The following CLUAP1 variants were observed in gnomAD, a reference collection of about 807,000 sequenced individuals.
CLUAP1 encodes the protein clusterin-associated protein 1.
A neutral mutation model predicts 55.0 loss-of-function variants in CLUAP1; 50 were observed. The ratio of observed to expected loss-of-function variants is 0.91; its 90% CI spans 0.72 to 1.15. The LOEUF (loss-of-function observed/expected upper bound fraction) is 1.15, where lower values mean the gene tolerates loss of function less well. CLUAP1 is among the 50% of genes most tolerant of loss of function. The pLI is 0.00. For synonymous variants in CLUAP1, 195 were observed against 175.4 expected, an observed-to-expected ratio of 1.11 and a Z score of -0.88; for missense variants, 530 against 507.6, an observed-to-expected ratio of 1.04 and a Z score of -0.42.
intron 4 of CLUAP1, among the ~76,000 whole-genome samples, chr16:3,512,000 A>G (rs1387757066): frequency 2.0e-5 from 3 of 152,132 alleles, no homozygotes; most frequent in African/African-American, 7.2e-5. Flanking sequence ...CAGCCTGACC[A>G]ACATGTAGAA....
intron 7 of CLUAP1, among the ~76,000 whole-genome samples, chr16:3,520,850 C>G (rs1055492332): frequency 2.6e-5 from 4 of 152,050 alleles, no homozygotes; most frequent in Non-Finnish European, 5.9e-5. Flanking sequence ...GGTGCCGGCT[C>G]TCTCTCTCTT....
At chr16:3,523,419 G>A in intron 8 of CLUAP1, 120 bp downstream of exon 8, 1 of 1,196,544 alleles carries the variant, frequency 8.4e-7, no homozygotes, top group Non-Finnish European at 1.2e-6. Context: ...TTTCTCCCTG[G>A]TCAGTCTGAG....
chr16:3,506,755 G>A (rs916417383), intron 3 of CLUAP1, among the ~76,000 whole-genome samples: 9 of 151,966 alleles, frequency 5.9e-5, no homozygotes, highest in African/African-American at 2.2e-4. Context: ...CACCCTCCTT[G>A]GCCTCCCAAA....
chr16:3,506,947 A>G (rs2037518065), intron 3 of CLUAP1, among the ~76,000 whole-genome samples: 1 of 152,162 alleles, frequency 6.6e-6, no homozygotes, highest in Non-Finnish European at 1.5e-5. Context: ...CTGTAATCCC[A>G]GCACTTTGGA....
chr16:3,517,071 G>A (rs2151054109), intron 6 of CLUAP1, among the ~76,000 whole-genome samples: 1 of 151,878 alleles, frequency 6.6e-6, no homozygotes, highest in East Asian at 1.9e-4. Flanking sequence ...GGAGGCTGAG[G>A]AGGAGCAGGT....
chr16:3,500,864 C>G, upstream of CLUAP1: 2 of 594,146 alleles, frequency 3.4e-6, no homozygotes, highest in Non-Finnish European at 5.9e-6. Context: ...GCCCTCTGCC[C>G]TCGGCGTCTC....
chr16:3,508,503 A>T, intron 4 of CLUAP1, 35 bp downstream of exon 4: 1 of 1,502,302 alleles, frequency 6.7e-7, no homozygotes, highest in Non-Finnish European at 8.8e-7. Context: ...TGGGCGATGG[A>T]GCGTTGATTT....
At chr16:3,526,217 A>G (rs1343088935) in intron 8 of CLUAP1, among the ~76,000 whole-genome samples, 195 bp from the exon 9 acceptor site, 8 of 152,202 alleles carry the variant, frequency 5.3e-5, no homozygotes, top group Non-Finnish European at 1.0e-4. Flanking sequence ...CCACGAGGCA[A>G]CCGCAGAGAG....
intron 6 of CLUAP1, among the ~76,000 whole-genome samples, chr16:3,519,120 C>T (rs1049394590): frequency 4.6e-5 from 7 of 152,216 alleles, no homozygotes; most frequent in African/African-American, 9.6e-5. Context: ...CATGTGAAGA[C>T]GGCGCACTAC....
intron 6 of CLUAP1, among the ~76,000 whole-genome samples, chr16:3,519,061 T>A (rs769711042): frequency 9.7e-4 from 147 of 152,290 alleles, no homozygotes; most frequent in Non-Finnish European, 1.9e-3. Context: ...ATAAAGAGAT[T>A]GGAGCCTGAA....
chr16:3,500,344 G>C (rs1241750294), upstream of CLUAP1, among the ~76,000 whole-genome samples: 1 of 152,086 alleles, frequency 6.6e-6, no homozygotes, highest in African/African-American at 2.4e-5. Context: ...ACGGGGGAAG[G>C]CGGGCTTCCT....
Position 3,517,367 on chromosome 16 carries a change from C to T in CLUAP1, c.579+1776C>T, listed in dbSNP as rs530561228. On this transcript the variant is annotated intron_variant, in intron 6 of 11. Coordinates refer to ENST00000576634, the MANE Select transcript of CLUAP1 (RefSeq NM_015041.3). Reference sequence around the variant, plus strand: ...TGTCACCCAGGCTGAAGTGCAGTAGCGCCATCTCAGCTCACTGCAATCTCT... The same window carrying T: ...TGTCACCCAGGCTGAAGTGCAGTAGTGCCATCTCAGCTCACTGCAATCTCT... Among the ~76,000 whole-genome samples the T allele has an allele frequency of 9.2e-5, 14 of 152,184 alleles. No homozygotes were observed. In the South Asian group the frequency reaches 1.7e-3, roughly 18 times the overall value.
At chr16:3,498,820 A>C (rs1304330404), upstream of CLUAP1, among the ~76,000 whole-genome samples, 8 of 152,136 alleles carry the variant, frequency 5.3e-5, no homozygotes, top group African/African-American at 1.9e-4. Context: ...AGATCGCACC[A>C]CTGGCACTCC....
chr16:3,496,873 C>T (rs1332167169), upstream of CLUAP1: 145 of 245,460 alleles, frequency 5.9e-4, no homozygotes, highest in Admixed American at 2.9e-3. Context: ...TTTTTCTTTT[C>T]TTTTTTTTTT....
At chr16:3,495,661 T>A in the CLUAP1 span, among the ~76,000 whole-genome samples, 2 of 152,236 alleles carry the variant, frequency 1.3e-5, no homozygotes, top group Non-Finnish European at 2.9e-5. Context: ...CTGGTCCCTC[T>A]GGCTGGGGTC....
chr16:3,511,477 G>A (rs1365350694), intron 4 of CLUAP1, among the ~76,000 whole-genome samples: 1 of 152,160 alleles, frequency 6.6e-6, no homozygotes, highest in Non-Finnish European at 1.5e-5. Flanking sequence ...GGTGCCACCC[G>A]ATTTGCGCCT....
intron 6 of CLUAP1, among the ~76,000 whole-genome samples, chr16:3,516,250 T>C (rs553338766): frequency 6.6e-6 from 1 of 152,354 alleles, no homozygotes; most frequent in South Asian, 2.1e-4. Context: ...TGGTGATTTA[T>C]TTTACTCAGT....
intron 7 of CLUAP1, among the ~76,000 whole-genome samples, chr16:3,521,403 A>T (rs541541635): frequency 3.0e-4 from 46 of 151,982 alleles, no homozygotes; most frequent in Non-Finnish European, 5.2e-4. Flanking sequence ...AAAGTTCAGC[A>T]AACCAGTATA....
At chr16:3,525,134 G>C (rs938001716) in intron 8 of CLUAP1, among the ~76,000 whole-genome samples, 2 of 152,208 alleles carry the variant, frequency 1.3e-5, no homozygotes, top group Non-Finnish European at 2.9e-5. Context: ...CTGTGGCAGA[G>C]GCAGGCCATG....
Sources: gnomAD v4.1 joint callset for allele counts (sites outside exome capture counted in the v4.1 genomes callset) on GRCh38, gnomAD v4.1.1 for gene constraint, MANE v1.5 for transcripts, NCBI Gene and HGNC (gene_info 2026-07-23, HGNC 2026-07-21) for gene names.